CREBBP: variants seen among roughly 807,000 people sequenced by gnomAD.
CREBBP encodes the protein CREB-binding protein.
In CREBBP, 19 loss-of-function variants were observed where a neutral mutation model predicts 265.0. That is an observed-to-expected ratio of 0.07 (90% CI 0.05 to 0.11). The LOEUF (loss-of-function observed/expected upper bound fraction) is 0.11. Among genes scored for constraint, CREBBP ranks in the 10% least tolerant of loss-of-function variants. The pLI, the probability that CREBBP is intolerant of heterozygous loss-of-function variation, is 1.00. For synonymous variants in CREBBP, 1,457 were observed against 1,223.7 expected, an observed-to-expected ratio of 1.19 and a Z score of -3.98; for missense variants, 2,525 against 3,219.0, an observed-to-expected ratio of 0.78 and a Z score of 5.22.
chr16:3,755,817 G>C (rs779140321), intron 19 of CREBBP, among the ~76,000 whole-genome samples: 12 of 152,140 alleles, frequency 7.9e-5, no homozygotes, highest in Non-Finnish European at 1.3e-4. Context: ...AATTGCACAC[G>C]CTGCACTTCT....
At chr16:3,747,934 A>G (rs1358327673) in intron 21 of CREBBP, among the ~76,000 whole-genome samples, 2 of 152,000 alleles carry the variant, frequency 1.3e-5, no homozygotes, top group Non-Finnish European at 2.9e-5. Context: ...CTAAAAATAC[A>G]AAAAAATTAG....
intron 25 of CREBBP, chr16:3,739,365 C>A: frequency 1.6e-6 from 1 of 617,804 alleles, no homozygotes; most frequent in Non-Finnish European, 2.8e-6. Context: ...CACAGACTCG[C>A]CACACAAAAC....
At chr16:3,841,401 A>C (rs950125141) in intron 2 of CREBBP, among the ~76,000 whole-genome samples, 1 of 152,142 alleles carries the variant, frequency 6.6e-6, no homozygotes, top group African/African-American at 2.4e-5. Flanking sequence ...TTTGGGTTGC[A>C]ATAAGAGGAA....
intron 26 of CREBBP, among the ~76,000 whole-genome samples, chr16:3,738,086 T>C (rs2052113975): frequency 1.3e-5 from 2 of 150,722 alleles, no homozygotes; most frequent in African/African-American, 4.9e-5. Flanking sequence ...GCGCCCGGCC[T>C]TTTTTTTAAT....
At chr16:3,768,136 G>GTTTGT (rs2052905281) in intron 15 of CREBBP, among the ~76,000 whole-genome samples, 27 of 51,596 alleles carry the variant, frequency 5.2e-4, no homozygotes, top group Admixed American at 1.1e-3. Context: ...ATTTAAAAGT[G>GTTTGT]TTTTTTTTTT....
At chr16:3,785,619 C>T (rs117627074) in intron 5 of CREBBP, among the ~76,000 whole-genome samples, 12 of 152,352 alleles carry the variant, frequency 7.9e-5, no homozygotes, top group Non-Finnish European at 1.5e-4. Flanking sequence ...GCCCTCGCAG[C>T]GCAGCCCATG....
rs56060400 is a variant in CREBBP, at chr16:3,727,838, G to A, written c.7209C>T (p.Pro2403=). The change falls in exon 31 of 31, where the codon CCC becomes CCT. Residue 2403 remains proline (P), a synonymous_variant. Coordinates refer to ENST00000262367, the MANE Select transcript of CREBBP (RefSeq NM_004380.3). ...SSIDQGHLGN[P]EQSAMLPQLN... ...GCTGGGGGAGCATTGCACTCTGTTCGGGGTTCCCCAAGTGTCCCTGATCTA... is the reference window on the plus strand; with the variant it reads ...GCTGGGGGAGCATTGCACTCTGTTCAGGGTTCCCCAAGTGTCCCTGATCTA... 2.7e-5 allele frequency: 43 copies of A among 1,614,006 alleles called. No homozygotes were observed. Among genetic ancestry groups the A allele is most frequent in the South Asian group, 4.4e-5 (4 of 91,080 alleles).
At chr16:3,757,149 C>G in intron 19 of CREBBP, 139 bp downstream of exon 19, 1 of 728,296 alleles carries the variant, frequency 1.4e-6, no homozygotes, top group South Asian at 1.5e-5. Context: ...GCTGGGATTA[C>G]AGGCGTGAGC....
At position 3,727,169 on chromosome 16, in the gene CREBBP, G is replaced by A. The variant is rs887536279; in HGVS notation, c.*549C>T. 2.9e-5 allele frequency: 7 copies of A among 241,824 alleles called. No individual in the cohort carries two copies. Among genetic ancestry groups the A allele is most frequent in the East Asian group, 1.8e-4 (3 of 16,618 alleles). The allele number at this position is 241,824 out of a possible 1,614,324, so 15.0% of individuals were successfully genotyped here. On this transcript the variant is annotated 3_prime_UTR_variant, in exon 31 of 31. Transcript: ENST00000262367. ...GTGGGTGTGTACGTGTGTGCACGCC[G>A]GAGTCAATTCCTATCATCCAGGGTA...
At chr16:3,852,390 G>C (rs1025025349) in intron 1 of CREBBP, among the ~76,000 whole-genome samples, 1 of 151,480 alleles carries the variant, frequency 6.6e-6, no homozygotes, top group Admixed American at 6.6e-5. Flanking sequence ...GGATGGTCTC[G>C]ATCTCCTGAC....
chr16:3,738,037 C>A (rs139464647), intron 26 of CREBBP, among the ~76,000 whole-genome samples: 2 of 151,792 alleles, frequency 1.3e-5, no homozygotes, highest in Admixed American at 1.3e-4. Flanking sequence ...CCGCCCGCCT[C>A]GGCCTCCCAA....
chr16:3,732,763 C>T (rs1259554902), intron 28 of CREBBP, among the ~76,000 whole-genome samples: 4 of 151,730 alleles, frequency 2.6e-5, no homozygotes, highest in South Asian at 2.1e-4. Context: ...TGCAATAACG[C>T]GATCTCGGCT....
intron 1 of CREBBP, among the ~76,000 whole-genome samples, chr16:3,865,253 G>A (rs975832842): frequency 1.3e-5 from 2 of 152,072 alleles, no homozygotes; most frequent in African/African-American, 2.4e-5. Flanking sequence ...TTGCCTGTCC[G>A]CATAACTTTA....
chr16:3,779,922 G>T (rs774370661), intron 8 of CREBBP, among the ~76,000 whole-genome samples: 1 of 151,976 alleles, frequency 6.6e-6, no homozygotes, highest in Non-Finnish European at 1.5e-5. Flanking sequence ...TGGGTAACCT[G>T]GCAAGACTCC....
At chr16:3,876,399 C>CAAAAAAA (rs71133663) in intron 1 of CREBBP, among the ~76,000 whole-genome samples, 29 of 18,120 alleles carry the variant, frequency 1.6e-3, no homozygotes, top group East Asian at 3.8e-3. Flanking sequence ...TAAAGCTGAC[C>CAAAAAAA]AAAAAAAAAA....
chr16:3,839,105 A>G (rs533380893), intron 2 of CREBBP, among the ~76,000 whole-genome samples: 105 of 152,352 alleles, frequency 6.9e-4, no homozygotes, highest in Non-Finnish European at 1.2e-3. Flanking sequence ...ACAATTCTCA[A>G]TGGCAGCTAC....
At chr16:3,834,354 T>C (rs533364559) in intron 2 of CREBBP, among the ~76,000 whole-genome samples, 3 of 152,276 alleles carry the variant, frequency 2.0e-5, no homozygotes, top group Non-Finnish European at 2.9e-5. Flanking sequence ...GAAGCAACCA[T>C]GAAGTCTTTC....
In CREBBP at chr16:3,851,839, C is replaced by T. The variant is rs1179183247; in HGVS notation, c.86-830G>A. ...ACTGCAGTCCGCAGTCCGACCTGGGCGACAGAGCGAGACTCCGTCTCAAAA... is the reference window on the plus strand; with the variant it reads ...ACTGCAGTCCGCAGTCCGACCTGGGTGACAGAGCGAGACTCCGTCTCAAAA... On this transcript the variant is annotated intron_variant, in intron 1 of 30. Coordinates refer to ENST00000262367, the MANE Select transcript of CREBBP (RefSeq NM_004380.3). Among the ~76,000 whole-genome samples the T allele has an allele frequency of 4.4e-3, 498 of 113,776 alleles. 6 individuals carry two copies. Among genetic ancestry groups the T allele is most frequent in the African/African-American group, 0.017 (461 of 26,434 alleles). The allele number at this position is 113,776 out of a possible 152,430, so 74.6% of individuals were successfully genotyped here.
chr16:3,844,142 C>T (rs1368038094), intron 2 of CREBBP, among the ~76,000 whole-genome samples: 5 of 115,784 alleles, frequency 4.3e-5, no homozygotes, highest in East Asian at 2.4e-4. Context: ...AGCGAGACTC[C>T]GTCTCAAAAA....
Sources: allele counts gnomAD v4.1 joint callset (sites outside exome capture counted in the v4.1 genomes callset), GRCh38; gene constraint gnomAD v4.1.1; transcripts MANE v1.5; gene names NCBI Gene and HGNC (gene_info 2026-07-23, HGNC 2026-07-21).